Variants in GORASP1 observed in about 807,000 individuals in gnomAD.
GORASP1 encodes golgi reassembly stacking protein 1, also known as Golgi reassembly-stacking protein 1.
Under a neutral mutation model 37.7 loss-of-function variants are expected in GORASP1, and 31 were observed. The ratio of observed to expected loss-of-function variants is 0.82; its 90% CI spans 0.62 to 1.11. The LOEUF is 1.11. GORASP1 is among the 50% of genes least tolerant of loss of function. The pLI is 0.00. For missense variants in GORASP1, 476 were observed against 560.7 expected (o/e 0.85, Z 1.53); for synonymous variants, 204 against 224.8 (o/e 0.91, Z 0.83).
chr3:39,107,143 T>A, intron 1 of GORASP1: 1 of 516,286 alleles, frequency 1.9e-6, no homozygotes. Flanking sequence ...GTGTGCTAAG[T>A]GCACGAGTGC....
rs527652398 is a variant in GORASP1, at chr3:39,105,002, G to T, written c.64-1449C>A. Among the ~76,000 whole-genome samples the T allele has an allele frequency of 4.6e-5, 7 of 152,254 alleles. No homozygotes were observed. In the South Asian group the frequency reaches 1.4e-3, roughly 32 times the overall value. On this transcript the variant is annotated intron_variant, in intron 1 of 8. Transcript: ENST00000319283. The surrounding 1 kb of genome is among the most constrained non-coding windows in gnomAD (Gnocchi z 5.4). ...CCAAATCACTCCACGTCAGGTGCCT[G>T]CCTACTTCCCTCCCCACTCCCCAGT... is the stretch of plus-strand genomic sequence containing the variant.
In GORASP1 at chr3:39,098,997, CTG is replaced by C. The variant is rs1428478814; in HGVS notation, c.917-106_917-105del. ...AGGGCATCTGGCCCAGCCTGTGAGA[CTG>C]TAATCTCCTCAGCCCCTGGTGATAC... On this transcript the variant is annotated intron_variant, in intron 7 of 8. Coordinates refer to ENST00000319283, the MANE Select transcript of GORASP1 (RefSeq NM_031899.4). The surrounding 1 kb of genome is among the most constrained non-coding windows in gnomAD (Gnocchi z 4.7). The C allele has an allele frequency of 1.8e-5, 25 of 1,407,526 alleles. No individual in the cohort carries two copies. In the East Asian group the frequency reaches 1.9e-4, roughly 10 times the overall value. The allele number at this position is 1,407,526 out of a possible 1,614,324, so 87.2% of individuals were successfully genotyped here.
chr3:39,103,277 C>A lies in GORASP1; in HGVS notation c.144+196G>T. 1.7e-6 allele frequency: 1 copy of A among 596,040 alleles called. No individual in the cohort carries two copies. The highest frequency in any genetic ancestry group is 3.0e-6 in the Non-Finnish European group (1 of 335,846). The allele number at this position is 596,040 out of a possible 1,614,324, so 36.9% of individuals were successfully genotyped here. A position where few individuals can be genotyped will look rare whatever the true frequency, so the allele number is the denominator to read the frequency against. On this transcript the variant is annotated intron_variant, in intron 2 of 8. Coordinates refer to ENST00000319283, the MANE Select transcript of GORASP1 (RefSeq NM_031899.4). This position sits in a 1 kb window ranked among gnomAD's most constrained non-coding sequence, Gnocchi z 5.2. ...AGAGGCCATATGTCCTCTGTCCACC[C>A]CACAGAGCTCAGAAGCTGAGCACTG...
In GORASP1 at chr3:39,102,180, A is replaced by C. The variant is rs180704850; in HGVS notation, c.348+498T>G. On this transcript the variant is annotated intron_variant, in intron 3 of 8. Transcript: ENST00000319283. This position sits in a 1 kb window ranked among gnomAD's most constrained non-coding sequence, Gnocchi z 5.0. ...TGCACAGCATGTTACTATACTGAGTACTGTAGGCAACTGTAACACAATTAA... is the reference window on the plus strand; with the variant it reads ...TGCACAGCATGTTACTATACTGAGTCCTGTAGGCAACTGTAACACAATTAA... Among the ~76,000 whole-genome samples, 19 of 152,322 alleles carry C rather than the reference A, an allele frequency of 1.2e-4. No individual in the cohort carries two copies. Among genetic ancestry groups the C allele is most frequent in the Admixed American group, 1.0e-3 (16 of 15,312 alleles).
intron 3 of GORASP1, among the ~76,000 whole-genome samples, chr3:39,101,853 G>C (rs1166194344): frequency 6.6e-6 from 1 of 152,184 alleles, no homozygotes; most frequent in Non-Finnish European, 1.5e-5. Context: ...CTACAGGACT[G>C]AGCATTCAAG....
At chr3:39,101,173 G>T in intron 3 of GORASP1, 71 bp from the exon 4 acceptor site, 2 of 1,359,442 alleles carry the variant, frequency 1.5e-6, no homozygotes, top group South Asian at 1.2e-5. Context: ...AGGGCAGGGG[G>T]AACTGCCTCT....
chr3:39,103,233 G>T lies in GORASP1; in HGVS notation c.144+240C>A. On this transcript the variant is annotated intron_variant, in intron 2 of 8. Coordinates refer to ENST00000319283, the MANE Select transcript of GORASP1 (RefSeq NM_031899.4). The surrounding 1 kb of genome is among the most constrained non-coding windows in gnomAD (Gnocchi z 5.2). Reference sequence around the variant, plus strand: ...CATGCCCCAGGAGGCAGGCCCCTTGGGCCTTGTTGCCACCTCCAAGAGGCC... The same window carrying T: ...CATGCCCCAGGAGGCAGGCCCCTTGTGCCTTGTTGCCACCTCCAAGAGGCC... The T allele has an allele frequency of 1.7e-6, 1 of 586,606 alleles. No individual in the cohort carries two copies. Among genetic ancestry groups the T allele is most frequent in the Non-Finnish European group, 3.0e-6 (1 of 330,082 alleles). The allele number at this position is 586,606 out of a possible 1,614,324, so 36.3% of individuals were successfully genotyped here.
At position 39,102,357 on chromosome 3, in the gene GORASP1, G is replaced by T; in HGVS notation, c.348+321C>A. ...CGGAGAGACACAGAGAATAATAAAA[G>T]CAGCAGCATTCCAGCAGTCCAACCA... On this transcript the variant is annotated intron_variant, in intron 3 of 8. Coordinates refer to ENST00000319283, the MANE Select transcript of GORASP1 (RefSeq NM_031899.4). The surrounding 1 kb of genome is among the most constrained non-coding windows in gnomAD (Gnocchi z 5.0). 1 of 469,886 alleles carries T rather than the reference G, an allele frequency of 2.1e-6. No homozygotes were observed. Among genetic ancestry groups the T allele is most frequent in the South Asian group, 2.5e-5 (1 of 40,554 alleles). The allele number at this position is 469,886 out of a possible 1,614,324, so 29.1% of individuals were successfully genotyped here. A position where few individuals can be genotyped will look rare whatever the true frequency, so the allele number is the denominator to read the frequency against.
At position 39,100,820 on chromosome 3, in the gene GORASP1, C is replaced by T. The variant is rs1307737502; in HGVS notation, c.493G>A (p.Val165Met). 6.2e-7 allele frequency: 1 copy of T among 1,614,048 alleles called. No individual in the cohort carries two copies. Among genetic ancestry groups the T allele is most frequent in the Non-Finnish European group, 8.5e-7 (1 of 1,180,014 alleles). The change falls in exon 5 of 9, where the codon GTG becomes ATG. Residue 165 changes from valine to methionine, a missense_variant. By Grantham distance (21) the Val-to-Met change is conservative (BLOSUM62 1). Coordinates refer to ENST00000319283, the MANE Select transcript of GORASP1 (RefSeq NM_031899.4). This position sits in a 1 kb window ranked among gnomAD's most constrained non-coding sequence, Gnocchi z 4.6. ...SHEGKPLKLM[V>M]YNSKSDSCRE... ...CAGGAGTCTGACTTGGAGTTATACA[C>T]CATCAGCTTCAAGGGCTTCCCCTCA... is the stretch of plus-strand genomic sequence containing the variant.
At position 39,098,619 on chromosome 3, in the gene GORASP1, A is replaced by G. The variant is rs533163498; in HGVS notation, c.1069+122T>C. The G allele has an allele frequency of 5.9e-5, 89 of 1,502,904 alleles. 1 individual carries two copies. In the South Asian group the frequency reaches 1.1e-3, roughly 18 times the overall value. The allele number at this position is 1,502,904 out of a possible 1,614,324, so 93.1% of individuals were successfully genotyped here. ...TGGGGGATTGGAGATGGAGTGTACAAATGCCTTGGTGTGGCTGTATCAACC... is the reference window on the plus strand; with the variant it reads ...TGGGGGATTGGAGATGGAGTGTACAGATGCCTTGGTGTGGCTGTATCAACC... On this transcript the variant is annotated intron_variant, in intron 8 of 8. Transcript: ENST00000319283. This position sits in a 1 kb window ranked among gnomAD's most constrained non-coding sequence, Gnocchi z 4.7.
In GORASP1 at chr3:39,102,747, C is replaced by CT; in HGVS notation, c.278dup (p.Leu95ProfsTer16). 6.2e-7 allele frequency: 1 copy of CT among 1,614,232 alleles called. No homozygotes were observed. The highest frequency in any genetic ancestry group is 8.5e-7 in the Non-Finnish European group (1 of 1,180,038). On this transcript the variant is annotated frameshift_variant, in exon 3 of 9. Transcript: ENST00000319283. LOFTEE classifies it high-confidence loss of function. This position sits in a 1 kb window ranked among gnomAD's most constrained non-coding sequence, Gnocchi z 5.0. ...AGCGCACACTGGCACCCAGTAGGCC[C>CT]TGGCCGCCCCACATGTTGCTGGGCA...
In GORASP1 at chr3:39,100,572, C is replaced by A; in HGVS notation, c.567-69G>T. ...GCCCTCCCTACCTTTGCTATCCCCA[C>A]CTACTACCAGCAATAAGGGGGCTGA... On this transcript the variant is annotated intron_variant, in intron 5 of 8. Transcript: ENST00000319283. The surrounding 1 kb of genome is among the most constrained non-coding windows in gnomAD (Gnocchi z 4.6). 6.7e-7 allele frequency: 1 copy of A among 1,493,280 alleles called. No homozygotes were observed. The highest frequency in any genetic ancestry group is 1.3e-5 in the South Asian group (1 of 75,322). 92.5% of individuals were successfully genotyped at this position (1,493,280 alleles called of 1,614,324 possible). A position where few individuals can be genotyped will look rare whatever the true frequency, so the allele number is the denominator to read the frequency against.
chr3:39,107,184 C>T (rs768992229), intron 1 of GORASP1: 22 of 532,582 alleles, frequency 4.1e-5, no homozygotes, highest in Non-Finnish European at 6.9e-5. Context: ...ATTCTTCACC[C>T]GGGAGGAGCG....
At position 39,105,362 on chromosome 3, in the gene GORASP1, A is replaced by G. The variant is rs956398651; in HGVS notation, c.64-1809T>C. ...CTATTTTTCCCAATCAGGGAACCTA[A>G]TGGAACTCACAGTGATCACAACTTA... On this transcript the variant is annotated intron_variant, in intron 1 of 8. Coordinates refer to ENST00000319283, the MANE Select transcript of GORASP1 (RefSeq NM_031899.4). The surrounding 1 kb of genome is among the most constrained non-coding windows in gnomAD (Gnocchi z 5.4). 6.6e-6 allele frequency among the ~76,000 whole-genome samples: 1 copy of G among 152,030 alleles called. No homozygotes were observed. The highest frequency in any genetic ancestry group is 2.4e-5 in the African/African-American group (1 of 41,382).
chr3:39,106,340 C>T (rs1345484845), intron 1 of GORASP1, among the ~76,000 whole-genome samples: 1 of 152,118 alleles, frequency 6.6e-6, no homozygotes, highest in East Asian at 1.9e-4. Context: ...CATCGCCCCA[C>T]CCCTCCTCTT....
chr3:39,099,923 C>T (rs1386002815), intron 6 of GORASP1, among the ~76,000 whole-genome samples: 1 of 152,212 alleles, frequency 6.6e-6, no homozygotes, highest in East Asian at 1.9e-4. Context: ...ACCCACTCAT[C>T]AGCTGTGAAG....
At position 39,100,419 on chromosome 3, in the gene GORASP1, T is replaced by C; in HGVS notation, c.651A>G (p.Pro217=). 6.2e-7 allele frequency: 1 copy of C among 1,613,122 alleles called. No individual in the cohort carries two copies. The highest frequency in any genetic ancestry group is 8.5e-7 in the Non-Finnish European group (1 of 1,179,390). Residue 217 remains proline, a synonymous_variant, in exon 6 of 9, where the codon CCA becomes CCG. Transcript: ENST00000319283. The surrounding 1 kb of genome is among the most constrained non-coding windows in gnomAD (Gnocchi z 4.6). ...CACCAAGTGGTAGAGCAGAAGGTGG[T>C]GGGGTGCCAGGTGGCTTCTTGTGGT... The part of the protein sequence containing the change: ...PSYHKKPPGT[P]PPSALPLGAP...
rs6777651 is a variant in GORASP1, at chr3:39,102,108, G to C, written c.348+570C>G. ...AACTTAACCTACACATAGCCTACTA[G>C]ACACCTGGAGTATATGCTATGGCCT... On this transcript the variant is annotated intron_variant, in intron 3 of 8. Transcript: ENST00000319283. The surrounding 1 kb of genome is among the most constrained non-coding windows in gnomAD (Gnocchi z 5.0). Among the ~76,000 whole-genome samples the C allele has an allele frequency of 0.48, 73,010 of 152,082 alleles. 21,419 individuals are homozygous for C. Among genetic ancestry groups the C allele is most frequent in the African/African-American group, 0.84 (34,712 of 41,482 alleles).
chr3:39,104,547 A>G (rs1414002153), intron 1 of GORASP1, among the ~76,000 whole-genome samples: 1 of 152,250 alleles, frequency 6.6e-6, no homozygotes, highest in Non-Finnish European at 1.5e-5. Flanking sequence ...CAGAGGGCAC[A>G]GGACCTAGGC....
Sources: gnomAD v4.1 joint callset for allele counts (sites outside exome capture counted in the v4.1 genomes callset) on GRCh38, gnomAD v4.1.1 for gene constraint, Gnocchi (gnomAD v3.1) non-coding constraint, MANE v1.5 for transcripts, NCBI Gene and HGNC (gene_info 2026-07-23, HGNC 2026-07-21) for gene names.